Variants in CD209 observed in about 807,000 individuals in gnomAD.
The protein encoded by CD209 is CD209 molecule, also known as CD209 antigen.
CD209 carries 31 observed loss-of-function variants against 44.7 expected under a neutral mutation model. That is an observed-to-expected ratio of 0.69 (90% confidence interval 0.52 to 0.94). CD209 has a LOEUF of 0.94. Ranked by LOEUF, CD209 falls within the 40% of genes least tolerant of loss-of-function variation. The probability of loss-of-function intolerance (pLI) is 0.00; values close to 1 mark genes in which losing one functional copy is unlikely to be tolerated. For missense variants in CD209, 407 were observed against 452.4 expected, an observed-to-expected ratio of 0.90 and a Z score of 0.91; for synonymous variants, 173 against 181.3, an observed-to-expected ratio of 0.95 and a Z score of 0.37.
intron 3 of CD209, 21 bp downstream of exon 3, chr19:7,746,439 C>T (rs2033826725): frequency 1.2e-6 from 2 of 1,613,246 alleles, no homozygotes; most frequent in Non-Finnish European, 1.7e-6. Flanking sequence ...GGACCCCAGA[C>T]CCTCAGAACC....
intron 5 of CD209, 73 bp downstream of exon 5, chr19:7,744,868 T>C: frequency 6.3e-7 from 1 of 1,582,766 alleles, no homozygotes; most frequent in Non-Finnish European, 8.6e-7. Context: ...TGCAAAGTCA[T>C]CTCTGAGCAC....
intron 5 of CD209, 87 bp downstream of exon 5, chr19:7,744,854 C>T: frequency 2.6e-6 from 4 of 1,550,314 alleles, no homozygotes; most frequent in South Asian, 2.4e-5. Flanking sequence ...CAAAACCCCT[C>T]TTCTGCAAAG....
chr19:7,741,912 G>C lies in CD209; in HGVS notation c.*1127C>G. The C allele has an allele frequency of 4.7e-6, 2 of 429,354 alleles. No individual in the cohort carries two copies. Among genetic ancestry groups the C allele is most frequent in the South Asian group, 4.0e-5 (2 of 49,514 alleles). 26.6% of individuals were successfully genotyped at this position (429,354 alleles called of 1,614,324 possible). On this transcript the variant is annotated 3_prime_UTR_variant, in exon 7 of 7. Transcript: ENST00000315599. Reference sequence around the variant, plus strand: ...CCAGACCATTCCTACAAAAGAAATGGGGAATCCGAAAGGAAAAGGAAGAAA... The same window carrying C: ...CCAGACCATTCCTACAAAAGAAATGCGGAATCCGAAAGGAAAAGGAAGAAA...
Position 7,746,515 on chromosome 19 carries a change from A to G in CD209, c.123T>C (p.Gly41=), listed in dbSNP as rs753428693. Residue 41 remains glycine (G), a synonymous_variant, in exon 3 of 7, where the codon GGT becomes GGC. Coordinates refer to ENST00000315599, the MANE Select transcript of CD209 (RefSeq NM_021155.4). Reference sequence around the variant, plus strand: ...AGGAGAGGAGTTGCAGCACCAGGGGACCATGGCCAAGACACCCTGAGAGAG... The same window carrying G: ...AGGAGAGGAGTTGCAGCACCAGGGGGCCATGGCCAAGACACCCTGAGAGAG... ...YKSLAGCLGH[G]PLVLQLLSFT... 1.1e-5 allele frequency: 17 copies of G among 1,613,642 alleles called. No homozygotes were observed. The highest frequency in any genetic ancestry group is 1.2e-5 in the Non-Finnish European group (14 of 1,179,794).
rs2033785667 is a variant in CD209, at chr19:7,745,632, G to A, written c.634C>T (p.Gln212Ter). The A allele has an allele frequency of 1.6e-6, 1 of 624,030 alleles. No individual in the cohort carries two copies. Among genetic ancestry groups the A allele is most frequent in the African/African-American group, 1.9e-5 (1 of 52,274 alleles). 38.7% of individuals were successfully genotyped at this position (624,030 alleles called of 1,614,324 possible). A position where few individuals can be genotyped will look rare whatever the true frequency, so the allele number is the denominator to read the frequency against. Residue 212 changes from glutamine (Q) to a stop codon, truncating the protein, a stop_gained, in exon 4 of 7, where the codon CAG becomes TAG. Transcript: ENST00000315599. LOFTEE classifies it high-confidence loss of function. ...AVGELPEKSK[Q>*]QEIYQELTRL... Reference sequence around the variant, plus strand: ...GTCAGCTCCTGGTAGATCTCCTGCTGCTTAGATTTCTCTGGAAGCTCACCC... The same window carrying A: ...GTCAGCTCCTGGTAGATCTCCTGCTACTTAGATTTCTCTGGAAGCTCACCC...
intron 5 of CD209, 98 bp from the exon 6 acceptor site, chr19:7,744,317 C>A: frequency 1.1e-6 from 1 of 889,386 alleles, no homozygotes; most frequent in Non-Finnish European, 1.8e-6. Flanking sequence ...GTAGGCTAAC[C>A]TACAGCCTTC....
rs2033715486 is a variant in CD209, at chr19:7,744,093, C to T, written c.1013+14G>A. On this transcript the variant is annotated intron_variant, in intron 6 of 6. Transcript: ENST00000315599. ...TCCAGCCCCAGTGGATAGGGTGCCC[C>T]TTCTGAGATCTACCTGGGCAACAGA... The T allele has an allele frequency of 1.3e-6, 2 of 1,596,302 alleles. No homozygotes were observed. Among genetic ancestry groups the T allele is most frequent in the Non-Finnish European group, 8.6e-7 (1 of 1,163,824 alleles).
Position 7,741,277 on chromosome 19 carries a change from C to A in CD209, c.*1762G>T. The A allele has an allele frequency of 2.3e-6, 1 of 435,196 alleles. No homozygotes were observed. Among genetic ancestry groups the A allele is most frequent in the Non-Finnish European group, 4.2e-6 (1 of 236,874 alleles). 27.0% of individuals were successfully genotyped at this position (435,196 alleles called of 1,614,324 possible). A position where few individuals can be genotyped will look rare whatever the true frequency, so the allele number is the denominator to read the frequency against. On this transcript the variant is annotated 3_prime_UTR_variant, in exon 7 of 7. Coordinates refer to ENST00000315599, the MANE Select transcript of CD209 (RefSeq NM_021155.4). ...ACGAGGTCAAGAGATCGAGACCATCCTGGTCAACATGTTGAAACCCCGTCT... is the reference window on the plus strand; with the variant it reads ...ACGAGGTCAAGAGATCGAGACCATCATGGTCAACATGTTGAAACCCCGTCT...
rs2033827052 is a variant in CD209, at chr19:7,746,443, C to T, written c.178+17G>A. On this transcript the variant is annotated intron_variant, in intron 3 of 6. Coordinates refer to ENST00000315599, the MANE Select transcript of CD209 (RefSeq NM_021155.4). ...GCCAGGCGTGGGGACCCCAGACCCT[C>T]AGAACCTGCCCCTGACCTTGGACAA... 4 of 1,613,610 alleles carry T rather than the reference C, an allele frequency of 2.5e-6. No homozygotes were observed. The highest frequency in any genetic ancestry group is 2.5e-6 in the Non-Finnish European group (3 of 1,179,704).
At chr19:7,744,386 G>A (rs113087447) in intron 5 of CD209, among the ~76,000 whole-genome samples, 167 bp from the exon 6 acceptor site, 13 of 152,192 alleles carry the variant, frequency 8.5e-5, no homozygotes, top group South Asian at 2.1e-4. Flanking sequence ...TGTATCCCAC[G>A]GCACATGTGT....
rs967537328 is a variant in CD209, at chr19:7,746,512, G to A, written c.126C>T (p.Pro42=). 5.6e-6 allele frequency: 9 copies of A among 1,613,678 alleles called. No individual in the cohort carries two copies. In the Admixed American group the frequency reaches 1.3e-4, roughly 24 times the overall value. Residue 42 remains proline, a synonymous_variant, in exon 3 of 7, where the codon CCC becomes CCT. Transcript: ENST00000315599. ...TGAAGGAGAGGAGTTGCAGCACCAG[G>A]GGACCATGGCCAAGACACCCTGAGA... The part of the protein sequence containing the change: ...KSLAGCLGHG[P]LVLQLLSFTL...
At position 7,741,062 on chromosome 19, in the gene CD209, G is replaced by C; in HGVS notation, c.*1977C>G. On this transcript the variant is annotated 3_prime_UTR_variant, in exon 7 of 7. Transcript: ENST00000315599. ...ATTAAAAGCATGTTTACAGTGTTTG[G>C]AAAGGAGCAGTGCAGGAGGGATGAC... The C allele has an allele frequency of 1.2e-6, 1 of 820,970 alleles. No homozygotes were observed. Among genetic ancestry groups the C allele is most frequent in the Non-Finnish European group, 2.1e-6 (1 of 478,288 alleles). The allele number at this position is 820,970 out of a possible 1,614,324, so 50.9% of individuals were successfully genotyped here. A position where few individuals can be genotyped will look rare whatever the true frequency, so the allele number is the denominator to read the frequency against.
At position 7,747,506 on chromosome 19, in the gene CD209, A is replaced by T; in HGVS notation, c.6T>A (p.Ser2Arg). The T allele has an allele frequency of 1.2e-6, 2 of 1,614,070 alleles. No individual in the cohort carries two copies. The highest frequency in any genetic ancestry group is 1.7e-6 in the Non-Finnish European group (2 of 1,180,004). ...GCTGCAGTCTTGGTTCCTTGGAGTC[A>T]CTCATGTCACCCCACTCTCCCCCAG... MSDSKEPRLQQL... is the reference protein window; with the variant it reads MRDSKEPRLQQL... Residue 2 changes from serine to arginine, a missense_variant, in exon 1 of 7, where the codon AGT becomes AGA. This residue lies in a region of CD209 where 122 missense variants were observed against 110.3 expected (regional missense o/e 1.11). Coordinates refer to ENST00000315599, the MANE Select transcript of CD209 (RefSeq NM_021155.4).
Position 7,742,743 on chromosome 19 carries a change from C to T in CD209, c.*296G>A. ...ATGTATAAGATAACGCCCCAGGGGA[C>T]ATAGCAGCTACACATGGCAACCCAA... On this transcript the variant is annotated 3_prime_UTR_variant, in exon 7 of 7. Transcript: ENST00000315599. 2.2e-6 allele frequency: 1 copy of T among 463,484 alleles called. No homozygotes were observed. The allele number at this position is 463,484 out of a possible 1,614,324, so 28.7% of individuals were successfully genotyped here.
Position 7,747,485 on chromosome 19 carries a change from C to T in CD209, c.27G>A (p.Leu9=), listed in dbSNP as rs1323343012. Residue 9 remains leucine (L), a synonymous_variant, in exon 1 of 7, where the codon CTG becomes CTA. Coordinates refer to ENST00000315599, the MANE Select transcript of CD209 (RefSeq NM_021155.4). ...CCTCACCCAGGAGGCCCAGCTGCTG[C>T]AGTCTTGGTTCCTTGGAGTCACTCA... MSDSKEPR[L]QQLGLLEEEQ... is the part of the protein sequence containing the mutation. The T allele has an allele frequency of 6.2e-7, 1 of 1,614,240 alleles. No homozygotes were observed. Among genetic ancestry groups the T allele is most frequent in the Admixed American group, 1.7e-5 (1 of 60,028 alleles).
At chr19:7,744,271 C>G in intron 5 of CD209, 52 bp from the exon 6 acceptor site, 6 of 1,331,340 alleles carry the variant, frequency 4.5e-6, no homozygotes, top group Non-Finnish European at 5.4e-6. Context: ...ATTTTCCAGG[C>G]TCTGTCTCCC....
In CD209 at chr19:7,742,499, A is replaced by G. The variant is rs2033647459; in HGVS notation, c.*540T>C. 1 of 154,302 alleles carries G rather than the reference A, an allele frequency of 6.5e-6. No individual in the cohort carries two copies. The highest frequency in any genetic ancestry group is 2.4e-5 in the African/African-American group (1 of 41,426). 9.6% of individuals were successfully genotyped at this position (154,302 alleles called of 1,614,324 possible). On this transcript the variant is annotated 3_prime_UTR_variant, in exon 7 of 7. Transcript: ENST00000315599. ...AATAATAAAATAAAGAATACAACTT[A>G]GAAACAGCCAAATGGAAGCCATGTA...
Position 7,741,048 on chromosome 19 carries a change from G to T in CD209, c.*1991C>A. 1 of 782,862 alleles carries T rather than the reference G, an allele frequency of 1.3e-6. No individual in the cohort carries two copies. Among genetic ancestry groups the T allele is most frequent in the Non-Finnish European group, 2.2e-6 (1 of 448,028 alleles). The allele number at this position is 782,862 out of a possible 1,614,324, so 48.5% of individuals were successfully genotyped here. On this transcript the variant is annotated 3_prime_UTR_variant, in exon 7 of 7. Transcript: ENST00000315599. The stretch of plus-strand genomic sequence containing the variant: ...GTCCTACCCTTCTTATTAAAAGCAT[G>T]TTTACAGTGTTTGGAAAGGAGCAGT...
chr19:7,743,083 A>G lies in CD209; in HGVS notation c.1171T>C (p.Phe391Leu). ...AASCSRDEEQ[F>L]LSPAPATPNP... ...GGGGTGGCAGGGGCTGGAGAAAGAA[A>G]CTGTTCTTCATCCCTGGAGCAGGAG... Residue 391 changes from phenylalanine to leucine, a missense_variant, in exon 7 of 7, where the codon TTT becomes CTT. Around this residue, in one of 3 missense-constraint regions of CD209, gnomAD observed 200 missense variants for 202.2 expected, o/e 0.99. Coordinates refer to ENST00000315599, the MANE Select transcript of CD209 (RefSeq NM_021155.4). 1.2e-6 allele frequency: 2 copies of G among 1,614,100 alleles called. No homozygotes were observed. Among genetic ancestry groups the G allele is most frequent in the Admixed American group, 1.7e-5 (1 of 60,022 alleles).
Sources: gnomAD v4.1 joint callset for allele counts (sites outside exome capture counted in the v4.1 genomes callset) on GRCh38, gnomAD v4.1.1 for gene constraint, gnomAD v4.1.1 regional missense constraint, MANE v1.5 for transcripts, NCBI Gene and HGNC (gene_info 2026-07-23, HGNC 2026-07-21) for gene names.